The following PRELID2 variants were observed in gnomAD, a reference collection of about 807,000 sequenced individuals.
PRELID2 encodes PRELI domain containing 2, also known as PRELI domain-containing protein 2.
A neutral mutation model predicts 28.4 loss-of-function variants in PRELID2; 25 were observed. That is an observed-to-expected ratio of 0.88 (90% CI 0.64 to 1.23). PRELID2 has a LOEUF of 1.23. PRELID2 is among the 50% of genes most tolerant of loss of function. The probability of loss-of-function intolerance (pLI) is 0.00; values close to 1 mark genes in which losing one functional copy is unlikely to be tolerated. For synonymous variants in PRELID2, 76 were observed against 71.6 expected, an observed-to-expected ratio of 1.06 and a Z score of -0.31; for missense variants, 201 against 214.4, an observed-to-expected ratio of 0.94 and a Z score of 0.39.
the PRELID2 span, chr5:145,230,058 C>T: frequency 1.1e-4 from 72 of 682,008 alleles, no homozygotes; most frequent in Middle Eastern, 4.3e-4. Flanking sequence ...CAGATAGACC[C>T]CTGTACCATG....
intron 1 of PRELID2, among the ~76,000 whole-genome samples, chr5:145,636,984 T>C (rs1754011920): frequency 6.6e-6 from 1 of 152,126 alleles, no homozygotes; most frequent in Admixed American, 6.5e-5. Flanking sequence ...AAAGATGAAG[T>C]GAACTGCTCA....
downstream of PRELID2, among the ~76,000 whole-genome samples, chr5:145,470,336 A>G (rs560551758): frequency 6.6e-6 from 1 of 152,254 alleles, no homozygotes; most frequent in East Asian, 1.9e-4. Flanking sequence ...GTAGTTTTTC[A>G]AACTCATGCT....
At chr5:145,557,712 C>T (rs1379204783) in intron 1 of PRELID2, among the ~76,000 whole-genome samples, 2 of 152,284 alleles carry the variant, frequency 1.3e-5, no homozygotes, top group African/African-American at 2.4e-5. Flanking sequence ...TTTTAATTCT[C>T]ACACTAATCC....
intron 1 of PRELID2, among the ~76,000 whole-genome samples, chr5:145,701,031 C>T (rs956222942): frequency 5.3e-5 from 8 of 152,226 alleles, no homozygotes; most frequent in Non-Finnish European, 1.2e-4. Flanking sequence ...ATGGTCAAGT[C>T]AGGAGATATT....
the PRELID2 span, among the ~76,000 whole-genome samples, chr5:145,362,135 T>C: frequency 6.6e-6 from 1 of 152,208 alleles, no homozygotes; most frequent in Non-Finnish European, 1.5e-5. Context: ...TGTGCTTATC[T>C]TGGGGACCTA....
the PRELID2 span, among the ~76,000 whole-genome samples, chr5:145,409,252 C>A: frequency 1.2e-3 from 179 of 152,102 alleles, no homozygotes; most frequent in African/African-American, 4.0e-3. Context: ...TAAAATTCAC[C>A]AAAATAGAAC....
chr5:145,495,707 T>C (rs141780042), intron 1 of PRELID2, among the ~76,000 whole-genome samples: 178 of 152,352 alleles, frequency 1.2e-3, no homozygotes, highest in African/African-American at 4.0e-3. Flanking sequence ...GAAGATTATA[T>C]ACAGTGATTT....
chr5:145,777,679 C>T (rs1030268019), intron 5 of PRELID2, among the ~76,000 whole-genome samples: 17 of 152,140 alleles, frequency 1.1e-4, no homozygotes, highest in Admixed American at 3.3e-4. Context: ...CCTGCCTGCG[C>T]GCAGCTACAG....
the PRELID2 span, among the ~76,000 whole-genome samples, chr5:145,414,377 G>T: frequency 6.6e-6 from 1 of 152,162 alleles, no homozygotes; most frequent in Non-Finnish European, 1.5e-5. Flanking sequence ...CACAACGAAA[G>T]TAACCCCCCA....
chr5:145,584,462 T>C (rs28883046), intron 1 of PRELID2, among the ~76,000 whole-genome samples: 30,284 of 151,862 alleles, frequency 0.2, 5,377 homozygotes, highest in African/African-American at 0.47. Context: ...AGAGCTTCTG[T>C]ACAGCAAAAG....
intron 1 of PRELID2, among the ~76,000 whole-genome samples, chr5:145,656,301 G>T (rs1418517152): frequency 1.3e-5 from 2 of 152,150 alleles, no homozygotes; most frequent in Non-Finnish European, 2.9e-5. Flanking sequence ...TACACTGTTG[G>T]TCGGACTGTA....
chr5:145,286,733 T>C, the PRELID2 span, among the ~76,000 whole-genome samples: 10 of 147,042 alleles, frequency 6.8e-5, no homozygotes, highest in African/African-American at 2.3e-4. Flanking sequence ...TGTTTTTTTT[T>C]TTTTTTGAGA....
the PRELID2 span, among the ~76,000 whole-genome samples, chr5:145,386,592 T>C: frequency 6.6e-6 from 1 of 152,280 alleles, no homozygotes; most frequent in East Asian, 1.9e-4. Flanking sequence ...ACCTCTTCAC[T>C]TTATAAATTA....
At chr5:145,527,440 T>A (rs527434069) in intron 1 of PRELID2, among the ~76,000 whole-genome samples, 1 of 152,226 alleles carries the variant, frequency 6.6e-6, no homozygotes, top group African/African-American at 2.4e-5. Flanking sequence ...GTATCATTTC[T>A]TATAATTGCA....
At chr5:145,482,035 C>T (rs1380940593) in intron 1 of PRELID2, among the ~76,000 whole-genome samples, 1 of 152,142 alleles carries the variant, frequency 6.6e-6, no homozygotes, top group Non-Finnish European at 1.5e-5. Context: ...TCCAGTTCTG[C>T]AGGGATTTCT....
chr5:145,553,573 T>C (rs1364831257), intron 1 of PRELID2, among the ~76,000 whole-genome samples: 1 of 152,184 alleles, frequency 6.6e-6, no homozygotes, highest in African/African-American at 2.4e-5. Context: ...AAAGTACCCA[T>C]CACTCAAAAA....
At chr5:145,798,577 T>C (rs1006686784) in intron 4 of PRELID2, among the ~76,000 whole-genome samples, 1 of 152,242 alleles carries the variant, frequency 6.6e-6, no homozygotes, top group Admixed American at 6.5e-5. Context: ...TGCACACATA[T>C]GCTTATTGCA....
chr5:145,418,434 A>C, the PRELID2 span, among the ~76,000 whole-genome samples: 2 of 152,160 alleles, frequency 1.3e-5, no homozygotes, highest in Non-Finnish European at 2.9e-5. Flanking sequence ...GATAGCCAAG[A>C]CAATCCTAAG....
At chr5:145,484,527 T>C (rs1752196140) in intron 1 of PRELID2, among the ~76,000 whole-genome samples, 1 of 152,242 alleles carries the variant, frequency 6.6e-6, no homozygotes, top group Non-Finnish European at 1.5e-5. Context: ...AATATCATTA[T>C]GTCTAAGAAC....
Sources: allele counts gnomAD v4.1 joint callset (sites outside exome capture counted in the v4.1 genomes callset), GRCh38; gene constraint gnomAD v4.1.1; transcripts MANE v1.5; gene names NCBI Gene and HGNC (gene_info 2026-07-23, HGNC 2026-07-21).